SKAP2: variants seen among roughly 807,000 people sequenced by gnomAD.
The protein encoded by SKAP2 is src kinase associated phosphoprotein 2, also known as src kinase-associated phosphoprotein 2.
A neutral mutation model predicts 54.9 loss-of-function variants in SKAP2; 28 were observed. The ratio of observed to expected loss-of-function variants is 0.51; its 90% CI spans 0.38 to 0.70. The LOEUF (loss-of-function observed/expected upper bound fraction) is 0.70, where lower values mean the gene tolerates loss of function less well. Ranked by LOEUF, SKAP2 falls within the 30% of genes least tolerant of loss-of-function variation. SKAP2 has a pLI of 0.00. For synonymous variants in SKAP2, 137 were observed against 134.3 expected (o/e 1.02, Z -0.14); for missense variants, 356 against 424.1 (o/e 0.84, Z 1.41).
In SKAP2 at chr7:26,726,926, C is replaced by G; in HGVS notation, c.550G>C (p.Asp184His). 6.2e-7 allele frequency: 1 copy of G among 1,611,092 alleles called. No homozygotes were observed. The highest frequency in any genetic ancestry group is 8.5e-7 in the Non-Finnish European group (1 of 1,178,332). ...NNTLRKDGKK[D>H]CCFEISAPDK... is the part of the protein sequence containing the mutation. Reference sequence around the variant, plus strand: ...GGAGCAGAGATTTCAAAACAGCAATCTTTCTTTCCATCCTTTCTTAGAGTG... The same window carrying G: ...GGAGCAGAGATTTCAAAACAGCAATGTTTCTTTCCATCCTTTCTTAGAGTG... Residue 184 changes from aspartate (D) to histidine (H), a missense_variant, in exon 7 of 13, where the codon GAT becomes CAT. Physicochemically the swap from Asp to His is moderately conservative, Grantham distance 81. Coordinates refer to ENST00000345317, the MANE Select transcript of SKAP2 (RefSeq NM_003930.5).
intron 9 of SKAP2, among the ~76,000 whole-genome samples, chr7:26,713,339 C>T (rs1787351048): frequency 6.6e-6 from 1 of 152,222 alleles, no homozygotes; most frequent in Admixed American, 6.5e-5. Flanking sequence ...TTAATAGGGA[C>T]TAGGTCTGCC....
chr7:26,683,727 G>A (rs1490812594), intron 11 of SKAP2, among the ~76,000 whole-genome samples: 2 of 152,102 alleles, frequency 1.3e-5, no homozygotes, highest in East Asian at 3.9e-4. Flanking sequence ...AATGTTCGAT[G>A]ATTCTCTGTG....
intron 4 of SKAP2, among the ~76,000 whole-genome samples, chr7:26,803,782 C>T (rs1227015567): frequency 6.6e-6 from 1 of 152,072 alleles, no homozygotes; most frequent in African/African-American, 2.4e-5. Flanking sequence ...GAGTACTATT[C>T]AGCCATAAAA....
chr7:26,682,267 G>C (rs1362022496), intron 11 of SKAP2, among the ~76,000 whole-genome samples: 1 of 152,180 alleles, frequency 6.6e-6, no homozygotes, highest in African/African-American at 2.4e-5. Context: ...CTACTAGAAA[G>C]TCTCAAGAGA....
At chr7:26,684,668 T>C in intron 11 of SKAP2, 68 bp downstream of exon 11, 1 of 926,390 alleles carries the variant, frequency 1.1e-6, no homozygotes, top group Non-Finnish European at 1.8e-6. Context: ...GCTCTGTAAA[T>C]CCAAATGCAT....
intron 4 of SKAP2, among the ~76,000 whole-genome samples, chr7:26,814,363 T>C (rs1784221016): frequency 6.6e-6 from 1 of 152,148 alleles, no homozygotes; most frequent in South Asian, 2.1e-4. Context: ...TTAGCTCCTC[T>C]TACAGAGAGA....
chr7:26,783,638 C>A (rs1231501041), intron 4 of SKAP2, among the ~76,000 whole-genome samples: 1 of 152,150 alleles, frequency 6.6e-6, no homozygotes, highest in Non-Finnish European at 1.5e-5. Flanking sequence ...TGTGCTGAAA[C>A]CACCTGGAGC....
At chr7:26,747,506 G>C (rs187328607) in intron 4 of SKAP2, among the ~76,000 whole-genome samples, 1 of 151,986 alleles carries the variant, frequency 6.6e-6, no homozygotes, top group African/African-American at 2.4e-5. Flanking sequence ...AAGCAAAAAC[G>C]GAATAACCAT....
intron 4 of SKAP2, among the ~76,000 whole-genome samples, chr7:26,782,196 ATG>A (rs1020686199): frequency 3.9e-5 from 6 of 152,304 alleles, no homozygotes; most frequent in African/African-American, 1.2e-4. Flanking sequence ...ATTTGGGTAT[ATG>A]TTGAGAAAAT....
downstream of SKAP2, among the ~76,000 whole-genome samples, chr7:26,666,099 A>G (rs975595104): frequency 6.6e-6 from 1 of 151,994 alleles, no homozygotes. Flanking sequence ...CTCTTTCTTT[A>G]CCATGTGGAT....
chr7:26,846,807 C>T (rs887416979), intron 3 of SKAP2, among the ~76,000 whole-genome samples: 5 of 152,094 alleles, frequency 3.3e-5, no homozygotes, highest in Non-Finnish European at 7.4e-5. Flanking sequence ...ATGGCAAAAC[C>T]CCGTCTCCAC....
At chr7:26,783,927 A>T (rs188755890) in intron 4 of SKAP2, among the ~76,000 whole-genome samples, 90 of 152,178 alleles carry the variant, frequency 5.9e-4, no homozygotes, top group African/African-American at 2.1e-3. Context: ...ATGTACCCTG[A>T]AACTTAAAGT....
intron 4 of SKAP2, among the ~76,000 whole-genome samples, chr7:26,786,094 A>G (rs1033074022): frequency 6.6e-6 from 1 of 152,222 alleles, no homozygotes; most frequent in Non-Finnish European, 1.5e-5. Context: ...AGGGCCCTCC[A>G]AAGTACAGGG....
At chr7:26,838,263 C>T (rs895308393) in intron 4 of SKAP2, among the ~76,000 whole-genome samples, 2 of 152,106 alleles carry the variant, frequency 1.3e-5, no homozygotes, top group African/African-American at 4.8e-5. Context: ...TCAGCTCCTA[C>T]TATAAATCAT....
chr7:26,771,151 C>T (rs1783181005), intron 4 of SKAP2, among the ~76,000 whole-genome samples: 1 of 152,234 alleles, frequency 6.6e-6, no homozygotes, highest in Middle Eastern at 3.4e-3. Flanking sequence ...AGTATTGTTC[C>T]TGTGAGATAA....
intron 9 of SKAP2, among the ~76,000 whole-genome samples, chr7:26,719,999 G>C (rs1449365507): frequency 6.6e-6 from 1 of 151,780 alleles, no homozygotes; most frequent in Admixed American, 6.6e-5. Context: ...GTTGCCCTGT[G>C]CATTGTAGGT....
At position 26,806,019 on chromosome 7, in the gene SKAP2, C is replaced by T. The variant is rs549930508; in HGVS notation, c.307+38011G>A. On this transcript the variant is annotated intron_variant, in intron 4 of 12. Transcript: ENST00000345317. ...TTTTTCATTATTATTATATCTGTTA[C>T]GGTGATCTATAGTTACCATTGTAAT... Among the ~76,000 whole-genome samples the T allele has an allele frequency of 3.9e-4, 59 of 152,132 alleles. 1 individual carries two copies. Among genetic ancestry groups the T allele is most frequent in the Admixed American group, 9.2e-4 (14 of 15,296 alleles).
intron 4 of SKAP2, among the ~76,000 whole-genome samples, chr7:26,781,779 A>T (rs1308414369): frequency 6.6e-6 from 1 of 151,970 alleles, no homozygotes; most frequent in African/African-American, 2.4e-5. Flanking sequence ...TAGCACCTCC[A>T]CCACTTTTCT....
At chr7:26,715,947 G>A (rs919479915) in intron 9 of SKAP2, among the ~76,000 whole-genome samples, 1 of 152,002 alleles carries the variant, frequency 6.6e-6, no homozygotes. Flanking sequence ...CATGGGTTTG[G>A]GTATTTTCAA....
Sources: gnomAD v4.1 joint callset for allele counts (sites outside exome capture counted in the v4.1 genomes callset) on GRCh38, gnomAD v4.1.1 for gene constraint, MANE v1.5 for transcripts, NCBI Gene and HGNC (gene_info 2026-07-23, HGNC 2026-07-21) for gene names.